Variants in VPS33B observed in about 807,000 individuals in gnomAD.
VPS33B encodes the protein vacuolar protein sorting-associated protein 33B.
VPS33B carries 80 observed loss-of-function variants against 95.3 expected under a neutral mutation model. The observed-to-expected ratio is 0.84, with a 90% CI of 0.70 to 1.01. The LOEUF is 1.01. Ranked by LOEUF, VPS33B falls within the 50% of genes least tolerant of loss-of-function variation. VPS33B has a pLI of 0.00. For missense variants in VPS33B, 715 were observed against 773.4 expected, an observed-to-expected ratio of 0.92 and a Z score of 0.90; for synonymous variants, 280 against 280.4, an observed-to-expected ratio of 1.00 and a Z score of 0.01.
chr15:91,002,313 T>A lies in VPS33B; in HGVS notation c.1273-131A>T. The A allele has an allele frequency of 1.5e-6, 2 of 1,350,428 alleles. No homozygotes were observed. Among genetic ancestry groups the A allele is most frequent in the Non-Finnish European group, 2.1e-6 (2 of 975,150 alleles). 83.7% of individuals were successfully genotyped at this position (1,350,428 alleles called of 1,614,324 possible). A position where few individuals can be genotyped will look rare whatever the true frequency, so the allele number is the denominator to read the frequency against. On this transcript the variant is annotated intron_variant, in intron 17 of 22. Transcript: ENST00000333371. This position sits in a 1 kb window ranked among gnomAD's most constrained non-coding sequence, Gnocchi z 4.7. ...TGAAGGAGCTCACACTTTGTTGAGATAAATTTTCACATCAGAAATAACCAA... is the reference window on the plus strand; with the variant it reads ...TGAAGGAGCTCACACTTTGTTGAGAAAAATTTTCACATCAGAAATAACCAA...
Position 90,999,555 on chromosome 15 carries a change from G to A in VPS33B, c.1774+122C>T. 3 of 1,010,872 alleles carry A rather than the reference G, an allele frequency of 3.0e-6. No homozygotes were observed. The highest frequency in any genetic ancestry group is 3.1e-6 in the Non-Finnish European group (2 of 643,452). The allele number at this position is 1,010,872 out of a possible 1,614,324, so 62.6% of individuals were successfully genotyped here. A position where few individuals can be genotyped will look rare whatever the true frequency, so the allele number is the denominator to read the frequency against. Reference sequence around the variant, plus strand: ...GCTAGGCTCTAACTCCTGACCTCAGGTGATCTGCCCGCCTCCGCCTCCCAA... The same window carrying A: ...GCTAGGCTCTAACTCCTGACCTCAGATGATCTGCCCGCCTCCGCCTCCCAA... On this transcript the variant is annotated intron_variant, in intron 22 of 22. Transcript: ENST00000333371. The surrounding 1 kb of genome is among the most constrained non-coding windows in gnomAD (Gnocchi z 5.1).
chr15:91,014,506 A>G (rs551982578), intron 3 of VPS33B, 73 bp from the exon 4 acceptor site: 2 of 1,534,018 alleles, frequency 1.3e-6, no homozygotes, highest in South Asian at 2.2e-5. Flanking sequence ...AGAAACTGAA[A>G]CAATACCAAC....
chr15:91,020,707 C>T (rs2041078027), intron 1 of VPS33B, among the ~76,000 whole-genome samples: 1 of 152,016 alleles, frequency 6.6e-6, no homozygotes, highest in South Asian at 2.1e-4. Flanking sequence ...ATGGTGAAAC[C>T]CTATCTCTAC....
chr15:91,003,311 G>T (rs1281846499), intron 16 of VPS33B, among the ~76,000 whole-genome samples, 180 bp from the exon 17 acceptor site: 3 of 152,180 alleles, frequency 2.0e-5, no homozygotes, highest in Non-Finnish European at 2.9e-5. Flanking sequence ...TAAAGCCTTG[G>T]TCTGGGAGCT....
In VPS33B at chr15:90,999,022, T is replaced by A; in HGVS notation, c.1807A>T (p.Thr603Ser). 6.2e-7 allele frequency: 1 copy of A among 1,614,208 alleles called. No homozygotes were observed. The highest frequency in any genetic ancestry group is 8.5e-7 in the Non-Finnish European group (1 of 1,180,034). ...GCCTCCATAAGGCGAGCGCTGTTTG[T>A]GACTGCTGTCGTCAGGAAAATGAAC... ...YRFIFLTTAV[T>S]NSARLMEAMS... The change falls in exon 23 of 23, where the codon ACA (threonine) becomes TCA (serine). Residue 603 changes from threonine (T) to serine (S), a missense_variant. By Grantham distance (58) the Thr-to-Ser change is moderately conservative. Coordinates refer to ENST00000333371, the MANE Select transcript of VPS33B (RefSeq NM_018668.5). This position sits in a 1 kb window ranked among gnomAD's most constrained non-coding sequence, Gnocchi z 5.1.
chr15:91,020,313 C>T (rs2041066972), intron 1 of VPS33B, among the ~76,000 whole-genome samples: 1 of 152,130 alleles, frequency 6.6e-6, no homozygotes, highest in African/African-American at 2.4e-5. Context: ...AGTTAAGTAT[C>T]AGGGTGAAGG....
In VPS33B at chr15:91,004,734, C is replaced by T. The variant is rs532637085; in HGVS notation, c.1225+143G>A. ...ACCCTGTGTCCTGGTGATAATTCACCCCAAACAAAAAAGAATCCATTAAAT... is the reference window on the plus strand; with the variant it reads ...ACCCTGTGTCCTGGTGATAATTCACTCCAAACAAAAAAGAATCCATTAAAT... On this transcript the variant is annotated intron_variant, in intron 16 of 22. Transcript: ENST00000333371. 5 of 1,080,070 alleles carry T rather than the reference C, an allele frequency of 4.6e-6. No homozygotes were observed. In the African/African-American group the frequency reaches 6.2e-5, roughly 13 times the overall value. The allele number at this position is 1,080,070 out of a possible 1,614,324, so 66.9% of individuals were successfully genotyped here. A position where few individuals can be genotyped will look rare whatever the true frequency, so the allele number is the denominator to read the frequency against.
In VPS33B at chr15:91,005,971, ACAT is replaced by A; in HGVS notation, c.938_939+1del. The A allele has an allele frequency of 3.7e-6, 6 of 1,614,102 alleles. No homozygotes were observed. The highest frequency in any genetic ancestry group is 5.1e-6 in the Non-Finnish European group (6 of 1,180,012). On this transcript the variant is annotated splice_donor_variant and coding_sequence_variant, in exon 12 of 23. Coordinates refer to ENST00000333371, the MANE Select transcript of VPS33B (RefSeq NM_018668.5). LOFTEE classifies it high-confidence loss of function. This position sits in a 1 kb window ranked among gnomAD's most constrained non-coding sequence, Gnocchi z 6.4. Reference sequence around the variant, plus strand: ...ACAGAGGAGCAGGGCTTGGAGCCTCACATCATACTGGGCCTGCAAGTTCCGGGC... The same window carrying A: ...ACAGAGGAGCAGGGCTTGGAGCCTCACATACTGGGCCTGCAAGTTCCGGGC...
intron 1 of VPS33B, among the ~76,000 whole-genome samples, 154 bp downstream of exon 1, chr15:91,022,000 T>C (rs1057109267): frequency 6.6e-6 from 1 of 152,184 alleles, no homozygotes; most frequent in Non-Finnish European, 1.5e-5. Context: ...AAACAGCTCT[T>C]ACTACTCCCT....
intron 16 of VPS33B, among the ~76,000 whole-genome samples, chr15:91,003,645 G>C (rs1486332432): frequency 1.3e-5 from 2 of 152,096 alleles, no homozygotes; most frequent in East Asian, 1.9e-4. Context: ...TCACTATGTT[G>C]GTCAGGCTGG....
In VPS33B at chr15:91,005,486, C is replaced by T. The variant is rs1452995650; in HGVS notation, c.1031-32G>A. On this transcript the variant is annotated intron_variant, in intron 13 of 22. Coordinates refer to ENST00000333371, the MANE Select transcript of VPS33B (RefSeq NM_018668.5). This position sits in a 1 kb window ranked among gnomAD's most constrained non-coding sequence, Gnocchi z 6.4. ...GTTGGACAAAGGGAGCTGACATACTCCTGGTTCTAGAAAGATGTCCCTTTA... is the reference window on the plus strand; with the variant it reads ...GTTGGACAAAGGGAGCTGACATACTTCTGGTTCTAGAAAGATGTCCCTTTA... The T allele has an allele frequency of 2.5e-6, 4 of 1,613,402 alleles. No homozygotes were observed. The highest frequency in any genetic ancestry group is 3.4e-6 in the Non-Finnish European group (4 of 1,179,520).
At position 91,005,393 on chromosome 15, in the gene VPS33B, G is replaced by C. The variant is rs1173750610; in HGVS notation, c.1092C>G (p.Ile364Met). ...KKTKQDFQELIKTEHALLEGF... is the reference protein window; with the variant it reads ...KKTKQDFQELMKTEHALLEGF... ...TGCGGCAGTTACCATGCTCAGTCTT[G>C]ATTAGCTCCTGGAAATCCTGCTTGG... Residue 364 changes from isoleucine (I) to methionine (M), a missense_variant, in exon 14 of 23, where the codon ATC (isoleucine) becomes ATG (methionine). By Grantham distance (10) the Ile-to-Met change is conservative. Transcript: ENST00000333371. The surrounding 1 kb of genome is among the most constrained non-coding windows in gnomAD (Gnocchi z 6.4). 6.2e-7 allele frequency: 1 copy of C among 1,614,134 alleles called. No individual in the cohort carries two copies. The highest frequency in any genetic ancestry group is 1.1e-5 in the South Asian group (1 of 91,088).
rs2892068 is a variant in VPS33B at position 91,016,691 on chromosome 15, A to G, written c.239+272T>C. Among the ~76,000 whole-genome samples the G allele has an allele frequency of 0.017, 2,572 of 152,258 alleles. 76 individuals carry two copies. Among genetic ancestry groups the G allele is most frequent in the African/African-American group, 0.057 (2,357 of 41,562 alleles). On this transcript the variant is annotated intron_variant, in intron 3 of 22. Coordinates refer to ENST00000333371, the MANE Select transcript of VPS33B (RefSeq NM_018668.5). ...GAGCCGCCGCACCCAGCTGCCTTGC[A>G]GGTTCTTGAGAAAAGCACGATGAAA...
At position 90,999,233 on chromosome 15, in the gene VPS33B, C is replaced by T; in HGVS notation, c.1775-179G>A. 2.9e-6 allele frequency: 2 copies of T among 680,006 alleles called. No individual in the cohort carries two copies. The highest frequency in any genetic ancestry group is 5.2e-6 in the Non-Finnish European group (2 of 381,118). 42.1% of individuals were successfully genotyped at this position (680,006 alleles called of 1,614,324 possible). On this transcript the variant is annotated intron_variant, in intron 22 of 22. Coordinates refer to ENST00000333371, the MANE Select transcript of VPS33B (RefSeq NM_018668.5). The surrounding 1 kb of genome is among the most constrained non-coding windows in gnomAD (Gnocchi z 5.1). Reference sequence around the variant, plus strand: ...TCTATGACTGGTATAACTGGGCTCCCTGCTGTGGCAGCCCAGAGTTAAGGC... The same window carrying T: ...TCTATGACTGGTATAACTGGGCTCCTTGCTGTGGCAGCCCAGAGTTAAGGC...
rs1432047676 is a variant in VPS33B at position 91,022,235 on chromosome 15, A to T, written c.15T>A (p.His5Gln). 6.3e-7 allele frequency: 1 copy of T among 1,577,288 alleles called. No individual in the cohort carries two copies. The highest frequency in any genetic ancestry group is 8.6e-7 in the Non-Finnish European group (1 of 1,157,676). ...CAGGCAGCTCAGGGGCGTCCGGCCG[A>T]TGGGGAAAAGCCATGGCAGCGGTCA... is the stretch of plus-strand genomic sequence containing the variant. MAFP[H>Q]RPDAPELPDF... is the part of the protein sequence containing the mutation. Residue 5 changes from histidine to glutamine, a missense_variant, in exon 1 of 23, where the codon CAT becomes CAA. Coordinates refer to ENST00000333371, the MANE Select transcript of VPS33B (RefSeq NM_018668.5).
Position 91,022,584 on chromosome 15 carries a change from G to T in VPS33B, c.-335C>A, listed in dbSNP as rs886051558. The T allele has an allele frequency of 1.5e-5, 3 of 198,464 alleles. No individual in the cohort carries two copies. The highest frequency in any genetic ancestry group is 6.0e-5 in the Admixed American group (1 of 16,628). The allele number at this position is 198,464 out of a possible 1,614,324, so 12.3% of individuals were successfully genotyped here. ...AGAACCCCGCCTTCTACCAGAAAAA[G>T]AAGCGACTTCCTAGATCTCCCGGAA... is the stretch of plus-strand genomic sequence containing the variant. On this transcript the variant is annotated 5_prime_UTR_variant, in exon 1 of 23. Transcript: ENST00000333371.
At chr15:91,019,986 A>T (rs551906902) in intron 1 of VPS33B, among the ~76,000 whole-genome samples, 2 of 151,944 alleles carry the variant, frequency 1.3e-5, no homozygotes, top group Non-Finnish European at 2.9e-5. Context: ...TGTATTTTTA[A>T]TAGAGATGGG....
chr15:91,019,288 T>C (rs1274287865), intron 1 of VPS33B, among the ~76,000 whole-genome samples: 1 of 151,760 alleles, frequency 6.6e-6, no homozygotes. Context: ...TGGCTAATTT[T>C]TGTATTTTTA....
At position 91,010,794 on chromosome 15, in the gene VPS33B, G is replaced by C. The variant is rs112272323; in HGVS notation, c.358-948C>G. On this transcript the variant is annotated intron_variant, in intron 5 of 22. Coordinates refer to ENST00000333371, the MANE Select transcript of VPS33B (RefSeq NM_018668.5). The surrounding 1 kb of genome is among the most constrained non-coding windows in gnomAD (Gnocchi z 5.7). ...AGTCAAGGCAGGAAAGGTGAGAGTT[G>C]CAAGGAAGGGTGGGCAACAGTGTCA... Among the ~76,000 whole-genome samples the C allele has an allele frequency of 1.4e-4, 22 of 152,248 alleles. No individual in the cohort carries two copies. The highest frequency in any genetic ancestry group is 4.8e-4 in the African/African-American group (20 of 41,554).
Sources: gnomAD v4.1 joint callset for allele counts (sites outside exome capture counted in the v4.1 genomes callset) on GRCh38, gnomAD v4.1.1 for gene constraint, Gnocchi (gnomAD v3.1) non-coding constraint, MANE v1.5 for transcripts, NCBI Gene and HGNC (gene_info 2026-07-23, HGNC 2026-07-21) for gene names.